Variants in GDA observed in about 807,000 individuals in gnomAD.
GDA encodes cytoplasmic PSD-95 interactor.
GDA carries 18 observed loss-of-function variants against 59.6 expected under a neutral mutation model. The observed-to-expected ratio is 0.30, with a 90% CI of 0.21 to 0.45. GDA has a LOEUF of 0.45. Ranked by LOEUF, GDA falls within the 20% of genes least tolerant of loss-of-function variation. The pLI is 1.00. For synonymous variants in GDA, 201 were observed against 201.1 expected (o/e 1.00, Z 0.00); for missense variants, 427 against 552.3 (o/e 0.77, Z 2.27).
At position 72,248,972 on chromosome 9, in the gene GDA, G is replaced by A. The variant is rs1272011244; in HGVS notation, c.*630G>A. On this transcript the variant is annotated 3_prime_UTR_variant, in exon 14 of 14. Transcript: ENST00000358399. ...AGTGTTGTGCTTTGCCTTCTTTGGCGATGAATGTCAGAAATTGAATGCCAC... is the reference window on the plus strand; with the variant it reads ...AGTGTTGTGCTTTGCCTTCTTTGGCAATGAATGTCAGAAATTGAATGCCAC... 1 of 984,006 alleles carries A rather than the reference G, an allele frequency of 1.0e-6. No individual in the cohort carries two copies. The highest frequency in any genetic ancestry group is 1.7e-5 in the African/African-American group (1 of 57,310). The allele number at this position is 984,006 out of a possible 1,614,324, so 61.0% of individuals were successfully genotyped here.
At chr9:72,259,134 T>A (rs978281425), downstream of GDA, among the ~76,000 whole-genome samples, 6 of 151,858 alleles carry the variant, frequency 4.0e-5, no homozygotes, top group Non-Finnish European at 7.4e-5. Flanking sequence ...AAGCGATTCT[T>A]CTGCCTCAGC....
intron 1 of GDA, among the ~76,000 whole-genome samples, chr9:72,157,030 CTTTTTTTTTTTTTTTTT>C (rs544126638): frequency 9.6e-6 from 1 of 104,074 alleles, no homozygotes; most frequent in Non-Finnish European, 1.8e-5. Flanking sequence ...TCTAGACTTC[CTTTTTTTTTTTTTTTTT>C]TTTTTTTTTG....
intron 1 of GDA, among the ~76,000 whole-genome samples, chr9:72,175,708 ATCAG>A (rs1360931646): frequency 2.0e-5 from 3 of 152,046 alleles, no homozygotes; most frequent in African/African-American, 7.2e-5. Context: ...TGGGGTGAAA[ATCAG>A]TCAGAGTGGG....
At chr9:72,118,292 A>AAAAAAG (rs1564143133) in intron 1 of GDA, among the ~76,000 whole-genome samples, 3 of 150,906 alleles carry the variant, frequency 2.0e-5, no homozygotes, top group African/African-American at 7.3e-5. Flanking sequence ...AAAAAAAAAA[A>AAAAAAG]AAAAAGAATG....
rs188332609 is a variant in GDA at position 72,246,975 on chromosome 9, G to A, written c.1267-431G>A. Reference sequence around the variant, plus strand: ...TCCCTCTTTTCTGCTTATCAGTAGAGACAGAAACTAAAAACCATGGCTTCA... The same window carrying A: ...TCCCTCTTTTCTGCTTATCAGTAGAAACAGAAACTAAAAACCATGGCTTCA... On this transcript the variant is annotated intron_variant, in intron 12 of 13. Transcript: ENST00000358399. 4.8e-3 allele frequency among the ~76,000 whole-genome samples: 727 copies of A among 152,056 alleles called. 2 individuals carry two copies. The highest frequency in any genetic ancestry group is 0.017 in the African/African-American group (692 of 41,462).
intron 1 of GDA, among the ~76,000 whole-genome samples, chr9:72,160,904 C>T (rs544357536): frequency 8.5e-5 from 13 of 152,154 alleles, no homozygotes; most frequent in Admixed American, 2.0e-4. Flanking sequence ...TAGGTGTTAC[C>T]TCCTCAATGA....
At chr9:72,117,131 T>G (rs1170422689) in intron 1 of GDA, among the ~76,000 whole-genome samples, 1 of 152,148 alleles carries the variant, frequency 6.6e-6, no homozygotes, top group Non-Finnish European at 1.5e-5. Context: ...CTGCATAGTA[T>G]TCCATTGTGT....
intron 1 of GDA, among the ~76,000 whole-genome samples, chr9:72,157,652 T>C (rs1276828475): frequency 6.6e-6 from 1 of 152,220 alleles, no homozygotes; most frequent in Non-Finnish European, 1.5e-5. Flanking sequence ...TCTCTCATTC[T>C]AGTATTTCCC....
chr9:72,199,715 C>A (rs943093946), intron 2 of GDA, among the ~76,000 whole-genome samples: 2 of 152,112 alleles, frequency 1.3e-5, no homozygotes, highest in African/African-American at 4.8e-5. Flanking sequence ...ATTCCTGAGG[C>A]CATGCATTTT....
At chr9:72,203,191 A>C (rs925042235) in intron 3 of GDA, among the ~76,000 whole-genome samples, 2 of 152,240 alleles carry the variant, frequency 1.3e-5, no homozygotes, top group Admixed American at 1.3e-4. Context: ...ATAATTAAGC[A>C]AGTTAATATT....
intron 1 of GDA, 111 bp downstream of exon 1, chr9:72,149,793 C>A (rs928981565): frequency 2.6e-6 from 3 of 1,137,392 alleles, no homozygotes; most frequent in Non-Finnish European, 2.4e-6. Flanking sequence ...GTGAGCGCCG[C>A]GGCTCCGGAG....
At chr9:72,146,808 T>C (rs1428843213), upstream of GDA, among the ~76,000 whole-genome samples, 1 of 152,204 alleles carries the variant, frequency 6.6e-6, no homozygotes, top group East Asian at 1.9e-4. Context: ...CCAAGACTTC[T>C]GGCATGTGGC....
intron 1 of GDA, among the ~76,000 whole-genome samples, chr9:72,156,216 G>A (rs1827872835): frequency 6.6e-6 from 1 of 152,206 alleles, no homozygotes; most frequent in Non-Finnish European, 1.5e-5. Flanking sequence ...GAAGGAAGTA[G>A]TAGCTGAATT....
chr9:72,195,593 G>T lies in GDA; in HGVS notation c.212+5G>T. On this transcript the variant is annotated splice_donor_5th_base_variant and intron_variant, in intron 2 of 13. Coordinates refer to ENST00000358399, the MANE Select transcript of GDA (RefSeq NM_004293.5). ...AATAAGAGAACTGAGCCACCAGTAA[G>T]TTGTTACTTCTTCCCTTTTACTGGG... 6.9e-7 allele frequency: 1 copy of T among 1,447,670 alleles called. No individual in the cohort carries two copies. The highest frequency in any genetic ancestry group is 9.5e-7 in the Non-Finnish European group (1 of 1,049,092). 89.7% of individuals were successfully genotyped at this position (1,447,670 alleles called of 1,614,324 possible).
intron 1 of GDA, among the ~76,000 whole-genome samples, chr9:72,138,628 C>G (rs1323241549): frequency 6.6e-6 from 1 of 152,168 alleles, no homozygotes; most frequent in African/African-American, 2.4e-5. Flanking sequence ...CATGATGGGT[C>G]GATGGAGTAT....
At chr9:72,198,123 C>T (rs939913393) in intron 2 of GDA, among the ~76,000 whole-genome samples, 16 of 152,192 alleles carry the variant, frequency 1.1e-4, no homozygotes, top group Admixed American at 2.6e-4. Flanking sequence ...TGGCTGGGCG[C>T]GGTGGCTCAC....
At chr9:72,130,298 A>G (rs1182477475) in intron 1 of GDA, among the ~76,000 whole-genome samples, 1 of 152,238 alleles carries the variant, frequency 6.6e-6, no homozygotes, top group Admixed American at 6.5e-5. Context: ...TTAGTGGCTT[A>G]TTTATGTAGT....
At chr9:72,126,756 G>C (rs536017447) in intron 1 of GDA, among the ~76,000 whole-genome samples, 1 of 151,782 alleles carries the variant, frequency 6.6e-6, no homozygotes, top group Admixed American at 6.6e-5. Context: ...TAGTAGAGAC[G>C]GGGTTTCATC....
downstream of GDA, among the ~76,000 whole-genome samples, chr9:72,254,886 G>A (rs530721178): frequency 7.2e-5 from 11 of 152,190 alleles, no homozygotes; most frequent in South Asian, 2.1e-4. Flanking sequence ...TTCCACAAAA[G>A]TTGGTTTCAT....
Sources: allele counts gnomAD v4.1 joint callset (sites outside exome capture counted in the v4.1 genomes callset), GRCh38; gene constraint gnomAD v4.1.1; transcripts MANE v1.5; gene names NCBI Gene and HGNC (gene_info 2026-07-23, HGNC 2026-07-21).